Variants in SGCZ observed in about 807,000 individuals in gnomAD.
The protein encoded by SGCZ is sarcoglycan zeta, also known as zeta-sarcoglycan.
A neutral mutation model predicts 41.3 loss-of-function variants in SGCZ; 40 were observed. The observed-to-expected ratio is 0.97, with a 90% CI of 0.75 to 1.26. The LOEUF (loss-of-function observed/expected upper bound fraction) is 1.26, where lower values mean the gene tolerates loss of function less well. SGCZ is among the 50% of genes most tolerant of loss of function. The pLI, the probability that SGCZ is intolerant of heterozygous loss-of-function variation, is 0.00. For synonymous variants in SGCZ, 206 were observed against 137.5 expected (o/e 1.50, Z -3.49); for missense variants, 552 against 369.8 (o/e 1.49, Z -4.04).
At chr8:15,151,820 T>A (rs1799187865) in intron 1 of SGCZ, among the ~76,000 whole-genome samples, 1 of 152,228 alleles carries the variant, frequency 6.6e-6, no homozygotes, top group Non-Finnish European at 1.5e-5. Flanking sequence ...GTAACCCTGT[T>A]TTTCAACTCT....
At chr8:15,215,136 G>C (rs911359693) in intron 1 of SGCZ, among the ~76,000 whole-genome samples, 2 of 152,034 alleles carry the variant, frequency 1.3e-5, no homozygotes, top group Admixed American at 1.3e-4. Context: ...CAAGAAATTA[G>C]TTTATATGCC....
In SGCZ at chr8:14,107,238, A is replaced by AT. The variant is rs1802234124; in HGVS notation, c.620+924dup. Among the ~76,000 whole-genome samples the AT allele has an allele frequency of 2.3e-5, 3 of 128,532 alleles. 1 individual carries two copies. The highest frequency in any genetic ancestry group is 8.7e-5 in the African/African-American group (3 of 34,628). 84.3% of individuals were successfully genotyped at this position (128,532 alleles called of 152,430 possible). ...CTCAAAAATAAAAATAAAAAAATAA[A>AT]TAAAAAAAAAAAACATCCACTGAGC... On this transcript the variant is annotated intron_variant, in intron 6 of 7. Coordinates refer to ENST00000382080, the MANE Select transcript of SGCZ (RefSeq NM_139167.4).
intron 1 of SGCZ, among the ~76,000 whole-genome samples, chr8:14,896,965 A>G (rs954975603): frequency 6.6e-6 from 1 of 151,088 alleles, no homozygotes; most frequent in Admixed American, 6.6e-5. Context: ...TGGTATTTTT[A>G]GTAGAGATGG....
intron 2 of SGCZ, 71 bp from the exon 3 acceptor site, chr8:14,324,275 G>A: frequency 9.1e-7 from 1 of 1,101,724 alleles, no homozygotes; most frequent in Non-Finnish European, 1.4e-6. Context: ...ATTTTCTTAG[G>A]CCTAAATTGA....
chr8:14,379,940 C>T (rs1176048491), intron 2 of SGCZ, among the ~76,000 whole-genome samples: 6 of 152,066 alleles, frequency 3.9e-5, no homozygotes, highest in Admixed American at 2.6e-4. Context: ...CCATGTTGGC[C>T]GGGCCTGGTC....
intron 1 of SGCZ, among the ~76,000 whole-genome samples, chr8:14,997,706 T>C (rs1802264935): frequency 6.6e-6 from 1 of 152,168 alleles, no homozygotes; most frequent in African/African-American, 2.4e-5. Flanking sequence ...ACACCCATAA[T>C]CCCAGCACTT....
intron 1 of SGCZ, among the ~76,000 whole-genome samples, chr8:14,566,444 T>C (rs772862576): frequency 6.6e-6 from 1 of 152,172 alleles, no homozygotes; most frequent in African/African-American, 2.4e-5. Flanking sequence ...CAGACCCTGA[T>C]TCTCTGCTCT....
intron 4 of SGCZ, among the ~76,000 whole-genome samples, chr8:14,170,810 A>G (rs956090259): frequency 6.6e-6 from 1 of 152,152 alleles, no homozygotes; most frequent in Non-Finnish European, 1.5e-5. Flanking sequence ...AAAAAAATAG[A>G]AACAAAAAAT....
chr8:14,336,640 T>C (rs1022923156), intron 2 of SGCZ, among the ~76,000 whole-genome samples: 2 of 152,174 alleles, frequency 1.3e-5, no homozygotes, highest in African/African-American at 4.8e-5. Context: ...TTCTGGCTGG[T>C]GTGAGATGAT....
At chr8:14,743,015 TCAC>T (rs2130286366) in intron 1 of SGCZ, among the ~76,000 whole-genome samples, 1 of 152,242 alleles carries the variant, frequency 6.6e-6, no homozygotes, top group South Asian at 2.1e-4. Context: ...AATTTGCTGA[TCAC>T]CACTTCACTA....
chr8:14,938,859 C>A (rs572700314), intron 1 of SGCZ, among the ~76,000 whole-genome samples: 1 of 152,062 alleles, frequency 6.6e-6, no homozygotes, highest in South Asian at 2.1e-4. Flanking sequence ...ATGCAACCTC[C>A]CATTTTTTTC....
chr8:14,434,791 C>T (rs13439147), intron 2 of SGCZ, among the ~76,000 whole-genome samples: 2,907 of 152,032 alleles, frequency 0.019, 56 homozygotes, highest in African/African-American at 0.037. Flanking sequence ...TAGCTAGGCA[C>T]GGTAACGCAT....
intron 1 of SGCZ, among the ~76,000 whole-genome samples, chr8:15,117,099 C>T (rs1225696537): frequency 6.6e-6 from 1 of 152,188 alleles, no homozygotes; most frequent in African/African-American, 2.4e-5. Flanking sequence ...TGGCAGGGCG[C>T]AGTGGCTCAT....
intron 1 of SGCZ, among the ~76,000 whole-genome samples, chr8:15,120,776 T>C (rs762345422): frequency 6.6e-6 from 1 of 152,230 alleles, no homozygotes; most frequent in Non-Finnish European, 1.5e-5. Flanking sequence ...AGGACCATTT[T>C]GTTGATTTTC....
intron 2 of SGCZ, among the ~76,000 whole-genome samples, chr8:14,448,675 A>T (rs529236741): frequency 6.9e-6 from 1 of 144,132 alleles, no homozygotes; most frequent in Non-Finnish European, 1.5e-5. Context: ...TCAGTTCATA[A>T]ATGTTCTTAG....
In SGCZ at chr8:14,358,888, C is replaced by A. The variant is rs751390094; in HGVS notation, c.235-34684G>T. Among the ~76,000 whole-genome samples the A allele has an allele frequency of 2.6e-5, 4 of 152,104 alleles. No homozygotes were observed. The East Asian group carries it at 7.7e-4, about 29-fold the overall frequency. On this transcript the variant is annotated intron_variant, in intron 2 of 7. Transcript: ENST00000382080. ...CCTCCCAAAGTGCTAGGATTACAGA[C>A]GTGAGCCACTGCACCTGGCCAGGTA...
intron 1 of SGCZ, among the ~76,000 whole-genome samples, chr8:14,772,070 T>G (rs73531185): frequency 0.067 from 10,265 of 152,094 alleles, 740 homozygotes; most frequent in African/African-American, 0.18. Context: ...ATAGAACCAT[T>G]CTGTTTTTCA....
At chr8:15,138,000 C>T (rs915214700) in intron 1 of SGCZ, among the ~76,000 whole-genome samples, 5 of 152,112 alleles carry the variant, frequency 3.3e-5, no homozygotes, top group Non-Finnish European at 7.3e-5. Context: ...AAAGCAGTCC[C>T]GGAGGGGGAC....
At chr8:15,235,970 A>G (rs1389708195) in intron 1 of SGCZ, among the ~76,000 whole-genome samples, 6 of 152,184 alleles carry the variant, frequency 3.9e-5, no homozygotes, top group African/African-American at 7.2e-5. Flanking sequence ...CATAAAGGCA[A>G]TGTGTCCTAT....
Sources: gnomAD v4.1 joint callset for allele counts (sites outside exome capture counted in the v4.1 genomes callset) on GRCh38, gnomAD v4.1.1 for gene constraint, MANE v1.5 for transcripts, NCBI Gene and HGNC (gene_info 2026-07-23, HGNC 2026-07-21) for gene names.